The following RYR2 variants were observed in gnomAD, a reference collection of about 807,000 sequenced individuals.
The protein encoded by RYR2 is ryanodine receptor 2.
A neutral mutation model predicts 601.1 loss-of-function variants in RYR2; 227 were observed. That is an observed-to-expected ratio of 0.38 (90% CI 0.34 to 0.42). The LOEUF (loss-of-function observed/expected upper bound fraction) is 0.42. RYR2 is among the 10% of genes least tolerant of loss of function. RYR2 has a pLI of 1.00. For synonymous variants in RYR2, 2,223 were observed against 2,175.1 expected (o/e 1.02, Z -0.61); for missense variants, 4,646 against 6,156.5 (o/e 0.75, Z 8.21).
intron 2 of RYR2, among the ~76,000 whole-genome samples, chr1:237,314,136 C>T (rs920154865): frequency 7.6e-5 from 11 of 144,210 alleles, no homozygotes; most frequent in African/African-American, 2.8e-4. Context: ...ACAATCTCAG[C>T]TCACTGCAAG....
chr1:237,391,557 G>A lies in RYR2; in HGVS notation c.773+3374G>A, dbSNP rs114018136. On this transcript the variant is annotated intron_variant, in intron 10 of 104. Coordinates refer to ENST00000366574, the MANE Select transcript of RYR2 (RefSeq NM_001035.3). The stretch of plus-strand genomic sequence containing the variant: ...AAGATGTTTACTTCTGAGTGATTTA[G>A]GAATAGTCTGGTCATAAATGCTGTG... 6.7e-3 allele frequency among the ~76,000 whole-genome samples: 1,026 copies of A among 152,212 alleles called. 13 individuals are homozygous for A. The highest frequency in any genetic ancestry group is 0.024 in the African/African-American group (989 of 41,534).
intron 3 of RYR2, among the ~76,000 whole-genome samples, chr1:237,349,016 G>C (rs1208953914): frequency 6.6e-6 from 1 of 152,140 alleles, no homozygotes; most frequent in Admixed American, 6.6e-5. Flanking sequence ...AATCATAAAA[G>C]ATGCATTAAC....
At chr1:237,253,375 CTT>C (rs1164331899) in intron 1 of RYR2, among the ~76,000 whole-genome samples, 1 of 152,152 alleles carries the variant, frequency 6.6e-6, no homozygotes, top group Non-Finnish European at 1.5e-5. Flanking sequence ...TCAGTGGGCT[CTT>C]TTTGTACAAC....
intron 10 of RYR2, among the ~76,000 whole-genome samples, chr1:237,391,576 T>C (rs905165642): frequency 2.0e-5 from 3 of 152,138 alleles, no homozygotes; most frequent in Admixed American, 6.5e-5. Flanking sequence ...TGGTCATAAA[T>C]GCTGTGTTTC....
intron 96 of RYR2, among the ~76,000 whole-genome samples, chr1:237,797,606 T>C (rs184767213): frequency 6.6e-6 from 1 of 152,346 alleles, no homozygotes; most frequent in East Asian, 1.9e-4. Context: ...CTTAGGCACA[T>C]TACATGAAGT....
intron 10 of RYR2, among the ~76,000 whole-genome samples, chr1:237,401,689 A>G (rs1456459541): frequency 6.6e-6 from 1 of 152,190 alleles, no homozygotes; most frequent in African/African-American, 2.4e-5. Flanking sequence ...TTATTATGTA[A>G]GAATGATGCA....
chr1:237,540,753 G>A (rs1319356728), intron 25 of RYR2, among the ~76,000 whole-genome samples: 1 of 151,370 alleles, frequency 6.6e-6, no homozygotes, highest in Admixed American at 6.6e-5. Flanking sequence ...TCATCTGAGA[G>A]GTTTCTAAAA....
chr1:237,611,287 G>A (rs191932625), intron 36 of RYR2, among the ~76,000 whole-genome samples: 1 of 152,270 alleles, frequency 6.6e-6, no homozygotes, highest in East Asian at 1.9e-4. Flanking sequence ...TCAGACAAGT[G>A]CAACTGCAAT....
chr1:237,546,511 G>A (rs189506898), intron 25 of RYR2, among the ~76,000 whole-genome samples: 126 of 152,158 alleles, frequency 8.3e-4, no homozygotes, highest in African/African-American at 2.5e-3. Flanking sequence ...CGAAGTAGCT[G>A]TGATTACAGT....
chr1:237,123,448 TGTG>T (rs1339668293), intron 1 of RYR2, among the ~76,000 whole-genome samples: 1 of 151,848 alleles, frequency 6.6e-6, no homozygotes, highest in African/African-American at 2.4e-5. Context: ...ATTAGCTAGA[TGTG>T]GTGGTGCGTG....
chr1:237,109,248 T>G (rs1669140212), intron 1 of RYR2, among the ~76,000 whole-genome samples: 1 of 151,818 alleles, frequency 6.6e-6, no homozygotes, highest in Non-Finnish European at 1.5e-5. Context: ...ATTACAGTCA[T>G]AGGTTGCAAA....
In RYR2 at chr1:237,419,079, AAAG is replaced by A. The variant is rs1705294124; in HGVS notation, c.848+1960_848+1962del. 7.2e-5 allele frequency among the ~76,000 whole-genome samples: 11 copies of A among 152,082 alleles called. 1 individual carries two copies. Among genetic ancestry groups the A allele is most frequent in the Admixed American group, 7.2e-4 (11 of 15,266 alleles). On this transcript the variant is annotated intron_variant, in intron 11 of 104. Coordinates refer to ENST00000366574, the MANE Select transcript of RYR2 (RefSeq NM_001035.3). ...TTGTGTATTATAAAAATGAAAGAGT[AAAG>A]AAGTGTTTATACAAATTAATTGTAT...
intron 53 of RYR2, among the ~76,000 whole-genome samples, chr1:237,657,381 T>TA (rs1418799489): frequency 6.6e-6 from 1 of 152,002 alleles, no homozygotes; most frequent in Admixed American, 6.6e-5. Flanking sequence ...AGATACGTTT[T>TA]AAGCCTTAGA....
rs138064129 is a variant in RYR2 at position 237,548,554 on chromosome 1, T to C, written c.3030T>C (p.Asp1010=). ...AENAHNVWAR[D]RIRQGWTYGI... ...ATGCACATAATGTGTGGGCGCGGGA[T>C]CGAATCCGGCAGGGCTGGACTTATG... The change falls in exon 26 of 105, where the codon GAT becomes GAC. Residue 1010 remains aspartate, a synonymous_variant. Transcript: ENST00000366574. The C allele has an allele frequency of 6.8e-4, 1,102 of 1,613,982 alleles. 20 individuals are homozygous for C. In the East Asian group the frequency reaches 0.016, roughly 23 times the overall value.
chr1:237,156,013 C>G (rs1460809229), intron 1 of RYR2, among the ~76,000 whole-genome samples: 1 of 152,210 alleles, frequency 6.6e-6, no homozygotes. Context: ...TCTGCTGAAC[C>G]TCACACATGT....
At chr1:237,644,674 T>A (rs1681939804) in intron 48 of RYR2, among the ~76,000 whole-genome samples, 1 of 152,240 alleles carries the variant, frequency 6.6e-6, no homozygotes, top group Non-Finnish European at 1.5e-5. Context: ...TTTTCAGTTT[T>A]CAATACTTTA....
intron 2 of RYR2, among the ~76,000 whole-genome samples, chr1:237,319,204 A>G (rs1048481327): frequency 6.6e-6 from 1 of 151,878 alleles, no homozygotes; most frequent in Non-Finnish European, 1.5e-5. Context: ...CATTGTTTCC[A>G]TACTTTAATT....
chr1:237,651,763 C>T (rs1476778052), intron 51 of RYR2, among the ~76,000 whole-genome samples: 3 of 151,802 alleles, frequency 2.0e-5, no homozygotes, highest in East Asian at 1.9e-4. Context: ...ACAGGCCGGG[C>T]GCGGTGGCTC....
At chr1:237,474,955 G>T (rs764284478) in intron 17 of RYR2, among the ~76,000 whole-genome samples, 1 of 152,120 alleles carries the variant, frequency 6.6e-6, no homozygotes, top group Non-Finnish European at 1.5e-5. Context: ...TTGATAAAAG[G>T]CCTCTTACAA....
Sources: allele counts gnomAD v4.1 joint callset (sites outside exome capture counted in the v4.1 genomes callset), GRCh38; gene constraint gnomAD v4.1.1; transcripts MANE v1.5; gene names NCBI Gene and HGNC (gene_info 2026-07-23, HGNC 2026-07-21).